Variants in CNTN1 observed in about 807,000 individuals in gnomAD.
CNTN1 encodes contactin-1.
Under a neutral mutation model 126.4 loss-of-function variants are expected in CNTN1, and 38 were observed. The ratio of observed to expected loss-of-function variants is 0.30; its 90% confidence interval spans 0.23 to 0.39. CNTN1 has a LOEUF of 0.39. Among genes scored for constraint, CNTN1 ranks in the 10% least tolerant of loss-of-function variants. The pLI is 1.00. For missense variants in CNTN1, 1,009 were observed against 1,248.4 expected (o/e 0.81, Z 2.89); for synonymous variants, 413 against 422.6 (o/e 0.98, Z 0.28).
At chr12:40,861,137 T>C (rs1190176823) in intron 1 of CNTN1, among the ~76,000 whole-genome samples, 2 of 152,160 alleles carry the variant, frequency 1.3e-5, no homozygotes, top group African/African-American at 4.8e-5. Flanking sequence ...TTAAAGTTAA[T>C]TGAAGCCTAT....
At chr12:40,921,801 A>C (rs1945452178) in intron 4 of CNTN1, among the ~76,000 whole-genome samples, 1 of 152,142 alleles carries the variant, frequency 6.6e-6, no homozygotes. Context: ...CCCACTGTCA[A>C]TTAGTTTGTT....
At chr12:41,050,474 A>G (rs1310170756) in intron 23 of CNTN1, among the ~76,000 whole-genome samples, 1 of 152,246 alleles carries the variant, frequency 6.6e-6, no homozygotes, top group East Asian at 1.9e-4. Context: ...ACACTTTTAA[A>G]CAACCAGGTC....
chr12:40,817,005 T>C (rs1941277328), intron 1 of CNTN1, among the ~76,000 whole-genome samples: 1 of 152,248 alleles, frequency 6.6e-6, no homozygotes, highest in Non-Finnish European at 1.5e-5. Flanking sequence ...CACTGTGGTT[T>C]GCAAGACTGT....
At chr12:40,799,280 T>A (rs1442385310) in intron 1 of CNTN1, among the ~76,000 whole-genome samples, 1 of 151,452 alleles carries the variant, frequency 6.6e-6, no homozygotes, top group African/African-American at 2.4e-5. Flanking sequence ...TATTATTGAG[T>A]AATTATTTAA....
intron 1 of CNTN1, among the ~76,000 whole-genome samples, chr12:40,753,012 T>A (rs1310400351): frequency 6.6e-6 from 1 of 152,114 alleles, no homozygotes; most frequent in Non-Finnish European, 1.5e-5. Flanking sequence ...CCTTTGGTGG[T>A]TTTCATAATT....
intron 1 of CNTN1, among the ~76,000 whole-genome samples, chr12:40,788,062 T>C (rs1940093194): frequency 6.6e-6 from 1 of 152,188 alleles, no homozygotes; most frequent in South Asian, 2.1e-4. Flanking sequence ...CTCAGTCTTT[T>C]TTATTTTGAA....
intron 3 of CNTN1, among the ~76,000 whole-genome samples, chr12:40,915,882 A>G (rs1592250807): frequency 6.6e-6 from 1 of 152,086 alleles, no homozygotes; most frequent in Non-Finnish European, 1.5e-5. Context: ...CACTGTTGTA[A>G]GAAGTGGAAA....
intron 17 of CNTN1, among the ~76,000 whole-genome samples, chr12:40,997,438 T>A (rs958994335): frequency 3.3e-5 from 5 of 152,248 alleles, no homozygotes; most frequent in African/African-American, 1.2e-4. Context: ...TTTCATTTAG[T>A]ATTCTTTCTC....
chr12:40,747,690 G>GTAAAT (rs1592043014), intron 1 of CNTN1, among the ~76,000 whole-genome samples: 2 of 152,050 alleles, frequency 1.3e-5, no homozygotes, highest in Non-Finnish European at 2.9e-5. Flanking sequence ...AGATATTGTT[G>GTAAAT]TAAATTAACA....
At chr12:40,987,311 G>C (rs948885478) in intron 16 of CNTN1, among the ~76,000 whole-genome samples, 6 of 152,122 alleles carry the variant, frequency 3.9e-5, no homozygotes, top group African/African-American at 1.4e-4. Context: ...TTAGAATAAT[G>C]AGATGAAGAA....
At chr12:40,733,127 A>G (rs1429267885) in intron 1 of CNTN1, among the ~76,000 whole-genome samples, 1 of 152,050 alleles carries the variant, frequency 6.6e-6, no homozygotes, top group Non-Finnish European at 1.5e-5. Context: ...GAATATTTAT[A>G]AACACAGTAA....
intron 1 of CNTN1, among the ~76,000 whole-genome samples, chr12:40,784,505 T>C (rs1939931236): frequency 6.6e-6 from 1 of 152,142 alleles, no homozygotes; most frequent in South Asian, 2.1e-4. Flanking sequence ...AACTCTAAAA[T>C]GTGACTGTAA....
intron 1 of CNTN1, among the ~76,000 whole-genome samples, chr12:40,777,279 G>C (rs147953091): frequency 1.3e-5 from 2 of 150,218 alleles, no homozygotes; most frequent in African/African-American, 4.9e-5. Flanking sequence ...CAGTTACCAA[G>C]TCTTATCAAT....
intron 17 of CNTN1, among the ~76,000 whole-genome samples, chr12:40,994,555 C>A (rs575344797): frequency 2.0e-5 from 3 of 152,126 alleles, no homozygotes; most frequent in African/African-American, 4.8e-5. Context: ...AAAGAAAGAG[C>A]AACAGTGTTC....
chr12:40,966,472 T>G (rs917316016), intron 15 of CNTN1, among the ~76,000 whole-genome samples: 1 of 152,140 alleles, frequency 6.6e-6, no homozygotes, highest in Non-Finnish European at 1.5e-5. Flanking sequence ...ACGACTGGGC[T>G]GGTTCTCCAT....
chr12:40,846,693 T>C (rs1210100870), intron 1 of CNTN1, among the ~76,000 whole-genome samples: 2 of 96,426 alleles, frequency 2.1e-5, no homozygotes, highest in Non-Finnish European at 4.7e-5. Flanking sequence ...ATTTAAATTT[T>C]TGTTGTTGTT....
intron 1 of CNTN1, among the ~76,000 whole-genome samples, chr12:40,802,605 AG>A (rs1246227982): frequency 1.3e-5 from 2 of 151,948 alleles, no homozygotes; most frequent in Non-Finnish European, 2.9e-5. Flanking sequence ...AAAATAAATC[AG>A]AAGGAGCCAA....
intron 1 of CNTN1, among the ~76,000 whole-genome samples, chr12:40,802,696 A>G (rs1940702388): frequency 6.6e-6 from 1 of 152,030 alleles, no homozygotes; most frequent in Non-Finnish European, 1.5e-5. Context: ...AGAAGGATGA[A>G]CAAAAAAAGC....
At chr12:41,016,956 A>G (rs752217971) in intron 19 of CNTN1, 40 bp downstream of exon 19, 9 of 1,522,674 alleles carry the variant, frequency 5.9e-6, no homozygotes, top group Non-Finnish European at 8.2e-6. Context: ...GGAGGGAGGA[A>G]AAACGTATTT....
Sources: gnomAD v4.1 joint callset for allele counts (sites outside exome capture counted in the v4.1 genomes callset) on GRCh38, gnomAD v4.1.1 for gene constraint, MANE v1.5 for transcripts, NCBI Gene and HGNC (gene_info 2026-07-23, HGNC 2026-07-21) for gene names.